GSC: variants seen among roughly 807,000 people sequenced by gnomAD.
The protein encoded by GSC is homeobox protein goosecoid.
A neutral mutation model predicts 24.5 loss-of-function variants in GSC; 13 were observed. The ratio of observed to expected loss-of-function variants is 0.53; its 90% CI spans 0.35 to 0.84. The LOEUF (loss-of-function observed/expected upper bound fraction) is 0.84, where lower values mean the gene tolerates loss of function less well. Among genes scored for constraint, GSC ranks in the 40% least tolerant of loss-of-function variants. The probability of loss-of-function intolerance (pLI) is 0.01; values close to 1 mark genes in which losing one functional copy is unlikely to be tolerated. For missense variants in GSC, 382 were observed against 384.2 expected (o/e 0.99, Z 0.05); for synonymous variants, 199 against 182.1 (o/e 1.09, Z -0.75).
rs1418259971 is a variant in GSC, at chr14:94,769,683, G to A, written c.333C>T (p.Cys111=). Residue 111 remains cysteine (C), a synonymous_variant, in exon 1 of 3, where the codon TGC becomes TGT. Transcript: ENST00000238558. ...TACCTGGGGGCGTCGGGACGCAGGA[G>A]CACTGCTGGGCGCCCAGCGGCGGCA... The part of the protein sequence containing the change: ...GAVPPLGAQQ[C]SCVPTPPGYE... 3.5e-6 allele frequency: 5 copies of A among 1,446,738 alleles called. No individual in the cohort carries two copies. The East Asian group carries it at 8.6e-5, about 25-fold the overall frequency. 89.6% of individuals were successfully genotyped at this position (1,446,738 alleles called of 1,614,324 possible).
At chr14:94,768,880 AGG>A in intron 2 of GSC, 76 bp downstream of exon 2, 1 of 1,518,012 alleles carries the variant, frequency 6.6e-7, no homozygotes, top group East Asian at 2.4e-5. Flanking sequence ...AGAGCCAAGC[AGG>A]GCTGGGCAAA....
rs1366000792 is a variant in GSC at position 94,769,132 on chromosome 14, G to C, written c.441C>G (p.Thr147=). 11 of 1,576,590 alleles carry C rather than the reference G, an allele frequency of 7.0e-6. No homozygotes were observed. The highest frequency in any genetic ancestry group is 9.5e-6 in the Non-Finnish European group (11 of 1,161,848). ...PYMNVGTLSR[T]ELQLLNQLHC... Reference sequence around the variant, plus strand: ...GCAGCTGGTTGAGAAGCTGCAGCTCGGTGCGCGACAGCGTGCCCACGTTCA... The same window carrying C: ...GCAGCTGGTTGAGAAGCTGCAGCTCCGTGCGCGACAGCGTGCCCACGTTCA... Residue 147 remains threonine, a synonymous_variant, in exon 2 of 3, where the codon ACC becomes ACG. Transcript: ENST00000238558.
chr14:94,769,833 G>A lies in GSC; in HGVS notation c.183C>T (p.Pro61=), dbSNP rs964187677. The change falls in exon 1 of 3, where the codon CCC becomes CCT. Residue 61 remains proline, a synonymous_variant. Transcript: ENST00000238558. ...SSDYGAFYPR[P]VAPGGAGLPA... Reference sequence around the variant, plus strand: ...GGAGGCCCGCGCCGCCGGGGGCCACGGGGCGCGGGTAGAAGGCGCCATAGT... The same window carrying A: ...GGAGGCCCGCGCCGCCGGGGGCCACAGGGCGCGGGTAGAAGGCGCCATAGT... The A allele has an allele frequency of 5.0e-5, 71 of 1,423,968 alleles. 1 individual carries two copies. The Admixed American group carries it at 5.0e-4, about 10-fold the overall frequency. 88.2% of individuals were successfully genotyped at this position (1,423,968 alleles called of 1,614,324 possible). A position where few individuals can be genotyped will look rare whatever the true frequency, so the allele number is the denominator to read the frequency against.
intron 1 of GSC, among the ~76,000 whole-genome samples, 195 bp downstream of exon 1, chr14:94,769,466 G>A (rs984668648): frequency 3.9e-5 from 6 of 152,094 alleles, no homozygotes; most frequent in Non-Finnish European, 8.8e-5. Context: ...TCCCCGGGCA[G>A]GCACTGAATT....
In GSC at chr14:94,769,709, C is replaced by G. The variant is rs771046649; in HGVS notation, c.307G>C (p.Val103Leu). The change falls in exon 1 of 3, where the codon GTG (valine) becomes CTG (leucine). Residue 103 changes from valine to leucine, a missense_variant. Val to Leu is a conservative substitution (Grantham distance 32, BLOSUM62 1). Coordinates refer to ENST00000238558, the MANE Select transcript of GSC (RefSeq NM_173849.3). The part of the protein sequence containing the change: ...APVGPACCGA[V>L]PPLGAQQCSC... ...CACTGCTGGGCGCCCAGCGGCGGCA[C>G]GGCCCCGCAGCAGGCCGGGCCCACG... is the stretch of plus-strand genomic sequence containing the variant. 4.8e-6 allele frequency: 7 copies of G among 1,447,598 alleles called. No homozygotes were observed. The South Asian group carries it at 9.8e-5, about 20-fold the overall frequency. 89.7% of individuals were successfully genotyped at this position (1,447,598 alleles called of 1,614,324 possible).
chr14:94,768,485 C>A lies in GSC; in HGVS notation c.*6G>T. ...GTAAGTAATACGGGCAAGTGTCCCG[C>A]GGCCGTCAGCTGTCCGAGTCCAAAT... On this transcript the variant is annotated 3_prime_UTR_variant, in exon 3 of 3. Transcript: ENST00000238558. 6.2e-7 allele frequency: 1 copy of A among 1,614,196 alleles called. No individual in the cohort carries two copies. Among genetic ancestry groups the A allele is most frequent in the Non-Finnish European group, 8.5e-7 (1 of 1,180,020 alleles).
Position 94,769,880 on chromosome 14 carries a change from C to G in GSC, c.136G>C (p.Ala46Pro). 1 of 1,500,218 alleles carries G rather than the reference C, an allele frequency of 6.7e-7. No individual in the cohort carries two copies. The highest frequency in any genetic ancestry group is 2.7e-5 in the East Asian group (1 of 36,472). 92.9% of individuals were successfully genotyped at this position (1,500,218 alleles called of 1,614,324 possible). ...PALHGDSLYG[A>P]SGGASSDYGA... ...TAGTCCGAGGAGGCGCCGCCGCTGG[C>G]GCCGTAGAGCGAGTCCCCGTGCAGG... The change falls in exon 1 of 3, where the codon GCC (alanine) becomes CCC (proline). Residue 46 changes from alanine (A) to proline (P), a missense_variant. Coordinates refer to ENST00000238558, the MANE Select transcript of GSC (RefSeq NM_173849.3).
chr14:94,769,053 C>T lies in GSC; in HGVS notation c.520G>A (p.Ala174Thr), dbSNP rs1298728944. 4 of 1,595,178 alleles carry T rather than the reference C, an allele frequency of 2.5e-6. No individual in the cohort carries two copies. Among genetic ancestry groups the T allele is most frequent in the Non-Finnish European group, 3.4e-6 (4 of 1,171,562 alleles). Residue 174 changes from alanine (A) to threonine (T), a missense_variant, in exon 2 of 3, where the codon GCT (alanine) becomes ACT (threonine). Transcript: ENST00000238558. ...RTIFTDEQLE[A>T]LENLFQETKY... ...GTCTCCTGGAAGAGGTTCTCGAGAG[C>T]TTCGAGCTGCTCGTCAGTGAAGATG...
At chr14:94,769,325 G>A in intron 1 of GSC, 108 bp from the exon 2 acceptor site, 1 of 1,408,132 alleles carries the variant, frequency 7.1e-7, no homozygotes, top group East Asian at 2.5e-5. Flanking sequence ...GCAAGGGGAT[G>A]CTGAGAATTG....
At chr14:94,768,874 C>A (rs1885224024) in intron 2 of GSC, 84 bp downstream of exon 2, 1 of 1,517,360 alleles carries the variant, frequency 6.6e-7, no homozygotes. Context: ...GCGGGGAGAG[C>A]CAAGCAGGGC....
chr14:94,768,990 G>A lies in GSC; in HGVS notation c.583C>T (p.Arg195Trp). Residue 195 changes from arginine (R) to tryptophan (W), a missense_variant, in exon 2 of 3, where the codon CGG (arginine) becomes TGG (tryptophan). Physicochemically the swap from Arg to Trp is moderately radical, Grantham distance 101. Coordinates refer to ENST00000238558, the MANE Select transcript of GSC (RefSeq NM_173849.3). ...PDVGTREQLA[R>W]KVHLREEKVE... ...TTCTCCTCGCGGAGGTGCACTTTCC[G>A]GGCCAGCTGCTCGCGCGTGCCCACG... The A allele has an allele frequency of 1.9e-6, 3 of 1,595,054 alleles. No individual in the cohort carries two copies. The highest frequency in any genetic ancestry group is 1.1e-5 in the South Asian group (1 of 88,058).
Position 94,768,588 on chromosome 14 carries a change from G to A in GSC, c.677C>T (p.Ser226Leu), listed in dbSNP as rs1459306477. ...RRQKRSSSEE[S>L]ENAEKWNKTS... ...CTTGTTCCACTTCTCCGCGTTCTCC[G>A]ACTCCTCTGATGAGGACCGCTTCTG... Residue 226 changes from serine to leucine, a missense_variant, in exon 3 of 3, where the codon TCG becomes TTG. Ser to Leu is a moderately radical substitution (Grantham distance 145). Transcript: ENST00000238558. The A allele has an allele frequency of 6.2e-7, 1 of 1,614,046 alleles. No homozygotes were observed. The highest frequency in any genetic ancestry group is 8.5e-7 in the Non-Finnish European group (1 of 1,180,006).
Position 94,768,573 on chromosome 14 carries a change from T to C in GSC, c.692A>G (p.Lys231Arg), listed in dbSNP as rs778037023. ...CTTCGACGACGACGTCTTGTTCCAC[T>C]TCTCCGCGTTCTCCGACTCCTCTGA... is the stretch of plus-strand genomic sequence containing the variant. ...SSSEESENAEKWNKTSSSKAS... is the reference protein window; with the variant it reads ...SSSEESENAERWNKTSSSKAS... The change falls in exon 3 of 3, where the codon AAG becomes AGG. Residue 231 changes from lysine (K) to arginine (R), a missense_variant. Physicochemically the swap from Lys to Arg is conservative, Grantham distance 26. Coordinates refer to ENST00000238558, the MANE Select transcript of GSC (RefSeq NM_173849.3). 1.2e-6 allele frequency: 2 copies of C among 1,614,210 alleles called. No individual in the cohort carries two copies. The highest frequency in any genetic ancestry group is 1.7e-6 in the Non-Finnish European group (2 of 1,180,036).
Position 94,769,795 on chromosome 14 carries a change from C to T in GSC, c.221G>A (p.Ser74Asn), listed in dbSNP as rs1217058294. ...PGGAGLPAAV[S>N]GSRLGYNNYF... is the part of the protein sequence containing the mutation. ...GTTGTTGTAGCCGAGGCGGGAGCCG[C>T]TGACCGCGGCCGGGAGGCCCGCGCC... is the stretch of plus-strand genomic sequence containing the variant. Residue 74 changes from serine to asparagine, a missense_variant, in exon 1 of 3, where the codon AGC (serine) becomes AAC (asparagine). Ser to Asn is a conservative substitution (Grantham distance 46). Coordinates refer to ENST00000238558, the MANE Select transcript of GSC (RefSeq NM_173849.3). 13 of 1,421,076 alleles carry T rather than the reference C, an allele frequency of 9.1e-6. No homozygotes were observed. Among genetic ancestry groups the T allele is most frequent in the Non-Finnish European group, 1.1e-5 (12 of 1,098,260 alleles). The allele number at this position is 1,421,076 out of a possible 1,614,324, so 88.0% of individuals were successfully genotyped here. A position where few individuals can be genotyped will look rare whatever the true frequency, so the allele number is the denominator to read the frequency against.
In GSC at chr14:94,768,473, G is replaced by GC; in HGVS notation, c.*17dup. On this transcript the variant is annotated 3_prime_UTR_variant, in exon 3 of 3. Transcript: ENST00000238558. The stretch of plus-strand genomic sequence containing the variant: ...CCTTCGAGTTAGGTAAGTAATACGG[G>GC]CAAGTGTCCCGCGGCCGTCAGCTGT... 1 of 1,614,072 alleles carries GC rather than the reference G, an allele frequency of 6.2e-7. No homozygotes were observed. Among genetic ancestry groups the GC allele is most frequent in the Non-Finnish European group, 8.5e-7 (1 of 1,179,954 alleles).
Position 94,769,807 on chromosome 14 carries a change from G to C in GSC, c.209C>G (p.Pro70Arg). 7.1e-7 allele frequency: 1 copy of C among 1,414,656 alleles called. No homozygotes were observed. The highest frequency in any genetic ancestry group is 9.1e-7 in the Non-Finnish European group (1 of 1,096,138). The allele number at this position is 1,414,656 out of a possible 1,614,324, so 87.6% of individuals were successfully genotyped here. Residue 70 changes from proline to arginine, a missense_variant, in exon 1 of 3, where the codon CCG becomes CGG. By Grantham distance (103) the Pro-to-Arg change is moderately radical (BLOSUM62 -2). Coordinates refer to ENST00000238558, the MANE Select transcript of GSC (RefSeq NM_173849.3). ...RPVAPGGAGLPAAVSGSRLGY... is the reference protein window; with the variant it reads ...RPVAPGGAGLRAAVSGSRLGY... ...GAGGCGGGAGCCGCTGACCGCGGCC[G>C]GGAGGCCCGCGCCGCCGGGGGCCAC...
chr14:94,769,760 C>G lies in GSC; in HGVS notation c.256G>C (p.Gly86Arg), dbSNP rs951684427. 2.8e-6 allele frequency: 4 copies of G among 1,442,726 alleles called. No homozygotes were observed. Among genetic ancestry groups the G allele is most frequent in the East Asian group, 2.9e-5 (1 of 34,138 alleles). The allele number at this position is 1,442,726 out of a possible 1,614,324, so 89.4% of individuals were successfully genotyped here. ...SRLGYNNYFYGQLHVQAAPVG... is the reference protein window; with the variant it reads ...SRLGYNNYFYRQLHVQAAPVG... ...GGCGCCGCCTGCACGTGCAGCTGCC[C>G]GTAGAAGTAGTTGTTGTAGCCGAGG... Residue 86 changes from glycine to arginine, a missense_variant, in exon 1 of 3, where the codon GGG becomes CGG. Transcript: ENST00000238558.
chr14:94,769,793 C>A lies in GSC; in HGVS notation c.223G>T (p.Gly75Cys). ...TAGTTGTTGTAGCCGAGGCGGGAGC[C>A]GCTGACCGCGGCCGGGAGGCCCGCG... is the stretch of plus-strand genomic sequence containing the variant. Reference protein sequence around the residue: ...GGAGLPAAVSGSRLGYNNYFY... With the variant: ...GGAGLPAAVSCSRLGYNNYFY... The change falls in exon 1 of 3, where the codon GGC becomes TGC. Residue 75 changes from glycine (G) to cysteine (C), a missense_variant. Coordinates refer to ENST00000238558, the MANE Select transcript of GSC (RefSeq NM_173849.3). 7.0e-7 allele frequency: 1 copy of A among 1,421,876 alleles called. No individual in the cohort carries two copies. The highest frequency in any genetic ancestry group is 1.5e-5 in the African/African-American group (1 of 66,312). The allele number at this position is 1,421,876 out of a possible 1,614,324, so 88.1% of individuals were successfully genotyped here. A position where few individuals can be genotyped will look rare whatever the true frequency, so the allele number is the denominator to read the frequency against.
Position 94,770,031 on chromosome 14 carries a change from C to T in GSC, c.-16G>A. Reference sequence around the variant, plus strand: ...TGGCGGGCATCCCCGAGCCCCGCGTCGGGACCGGGGGGCGGCGGGAACGCG... The same window carrying T: ...TGGCGGGCATCCCCGAGCCCCGCGTTGGGACCGGGGGGCGGCGGGAACGCG... On this transcript the variant is annotated 5_prime_UTR_variant, in exon 1 of 3. Transcript: ENST00000238558. 6.5e-7 allele frequency: 1 copy of T among 1,543,826 alleles called. No individual in the cohort carries two copies. The highest frequency in any genetic ancestry group is 2.4e-5 in the East Asian group (1 of 41,606).
Sources: gnomAD v4.1 joint callset for allele counts (sites outside exome capture counted in the v4.1 genomes callset) on GRCh38, gnomAD v4.1.1 for gene constraint, MANE v1.5 for transcripts, NCBI Gene and HGNC (gene_info 2026-07-23, HGNC 2026-07-21) for gene names.